The following TMTC2 variants were observed in gnomAD, a reference collection of about 807,000 sequenced individuals.
The protein encoded by TMTC2 is transmembrane O-mannosyltransferase targeting cadherins 2.
In TMTC2, 43 loss-of-function variants were observed where a neutral mutation model predicts 82.4. The ratio of observed to expected loss-of-function variants is 0.52; its 90% CI spans 0.41 to 0.67. TMTC2 has a LOEUF of 0.67. Ranked by LOEUF, TMTC2 falls within the 30% of genes least tolerant of loss-of-function variation. The probability of loss-of-function intolerance (pLI) is 0.00; values close to 1 mark genes in which losing one functional copy is unlikely to be tolerated. For missense variants in TMTC2, 919 were observed against 1,012.4 expected, an observed-to-expected ratio of 0.91 and a Z score of 1.25; for synonymous variants, 408 against 381.9, an observed-to-expected ratio of 1.07 and a Z score of -0.80.
intron 1 of TMTC2, among the ~76,000 whole-genome samples, chr12:82,831,372 G>C (rs979051528): frequency 7.9e-5 from 12 of 152,208 alleles, no homozygotes; most frequent in African/African-American, 2.9e-4. Flanking sequence ...GAAAGAATGA[G>C]AGCCCTTTTT....
chr12:82,857,993 T>C (rs1279896132), intron 2 of TMTC2, among the ~76,000 whole-genome samples: 4 of 152,248 alleles, frequency 2.6e-5, no homozygotes, highest in Non-Finnish European at 5.9e-5. Flanking sequence ...TGCCATTTGT[T>C]AATATTACTT....
intron 4 of TMTC2, among the ~76,000 whole-genome samples, chr12:82,936,256 C>T (rs1029476148): frequency 6.6e-6 from 1 of 151,924 alleles, no homozygotes; most frequent in Non-Finnish European, 1.5e-5. Flanking sequence ...CTAAGTCAGG[C>T]GTTTCACAAG....
In TMTC2 at chr12:82,716,658, G is replaced by A. The variant is rs546768560; in HGVS notation, c.83+28989G>A. Among the ~76,000 whole-genome samples the A allele has an allele frequency of 5.5e-4, 83 of 150,326 alleles. 1 individual carries two copies. The South Asian group carries it at 9.3e-3, about 17-fold the overall frequency. Reference sequence around the variant, plus strand: ...ATTACAGGCGTGAGCCACCGCGCCCGGCCTGTCTGGTACATTTTTGCTGAG... The same window carrying A: ...ATTACAGGCGTGAGCCACCGCGCCCAGCCTGTCTGGTACATTTTTGCTGAG... On this transcript the variant is annotated intron_variant, in intron 1 of 11. Coordinates refer to ENST00000321196, the MANE Select transcript of TMTC2 (RefSeq NM_152588.3).
intron 2 of TMTC2, among the ~76,000 whole-genome samples, chr12:82,894,741 T>G (rs917655561): frequency 1.3e-5 from 2 of 152,156 alleles, no homozygotes. Context: ...CCTTTGACCC[T>G]CCTCACAATT....
intron 3 of TMTC2, among the ~76,000 whole-genome samples, chr12:82,916,512 A>G (rs1228975327): frequency 6.6e-6 from 1 of 152,160 alleles, no homozygotes; most frequent in Non-Finnish European, 1.5e-5. Context: ...GAACACTATG[A>G]GTGGTACTGG....
chr12:82,735,381 C>T (rs550074011), intron 1 of TMTC2, among the ~76,000 whole-genome samples: 37 of 150,516 alleles, frequency 2.5e-4, no homozygotes, highest in South Asian at 2.1e-4. Flanking sequence ...AGTCTTACTC[C>T]GTCGCCCAGG....
intron 2 of TMTC2, among the ~76,000 whole-genome samples, chr12:82,865,185 CG>C (rs1264953094): frequency 6.6e-6 from 1 of 152,002 alleles, no homozygotes; most frequent in Non-Finnish European, 1.5e-5. Context: ...GAGATCGCGT[CG>C]CTGCACTCCA....
At chr12:82,774,977 T>C (rs1877512298) in intron 1 of TMTC2, among the ~76,000 whole-genome samples, 1 of 152,044 alleles carries the variant, frequency 6.6e-6, no homozygotes, top group African/African-American at 2.4e-5. Flanking sequence ...GAAAAATCTA[T>C]CAGGGACAAG....
In TMTC2 at chr12:83,095,231, T is replaced by G. The variant is rs80203455; in HGVS notation, c.2331+33400T>G. ...CAAAATTTCATGGTTTTTTTTTTTGTTTTTTTTTTTGTTTTTTTTGTTTTT... is the reference window on the plus strand; with the variant it reads ...CAAAATTTCATGGTTTTTTTTTTTGGTTTTTTTTTTGTTTTTTTTGTTTTT... On this transcript the variant is annotated intron_variant, in intron 11 of 11. Coordinates refer to ENST00000321196, the MANE Select transcript of TMTC2 (RefSeq NM_152588.3). Among the ~76,000 whole-genome samples the G allele has an allele frequency of 1.8e-3, 177 of 98,792 alleles. 1 individual carries two copies. In the South Asian group the frequency reaches 0.03, roughly 17 times the overall value. The allele number at this position is 98,792 out of a possible 152,430, so 64.8% of individuals were successfully genotyped here. A position where few individuals can be genotyped will look rare whatever the true frequency, so the allele number is the denominator to read the frequency against.
At chr12:82,845,252 A>AATATATAT (rs1555190263) in intron 1 of TMTC2, among the ~76,000 whole-genome samples, 474 of 38,782 alleles carry the variant, frequency 0.012, 18 homozygotes, top group African/African-American at 0.044. Flanking sequence ...AAAAAAAAAA[A>AATATATAT]ATATATATAT....
chr12:82,930,300 A>G, intron 3 of TMTC2, 131 bp from the exon 4 acceptor site: 1 of 544,234 alleles, frequency 1.8e-6, no homozygotes, highest in East Asian at 2.8e-5. Flanking sequence ...AGTATAAAGG[A>G]AATACATTTT....
intron 9 of TMTC2, among the ~76,000 whole-genome samples, chr12:83,043,393 A>G (rs1326421346): frequency 6.6e-6 from 1 of 152,180 alleles, no homozygotes; most frequent in Admixed American, 6.5e-5. Flanking sequence ...TTATGCACTC[A>G]TCTTGTTACC....
intron 1 of TMTC2, among the ~76,000 whole-genome samples, chr12:82,847,423 A>G (rs1870745236): frequency 6.6e-6 from 1 of 152,166 alleles, no homozygotes. Context: ...TTAATTTATT[A>G]ACCCAGCAAT....
intron 1 of TMTC2, among the ~76,000 whole-genome samples, chr12:82,788,949 G>T (rs1415439673): frequency 6.6e-6 from 1 of 152,058 alleles, no homozygotes; most frequent in East Asian, 1.9e-4. Flanking sequence ...AGGACCACTT[G>T]AGCACAAGAG....
At chr12:82,850,940 T>G (rs1408609568) in intron 1 of TMTC2, among the ~76,000 whole-genome samples, 2 of 151,998 alleles carry the variant, frequency 1.3e-5, no homozygotes, top group Admixed American at 6.6e-5. Context: ...GGCGTGCTCC[T>G]GTAGTCCCAG....
chr12:82,974,624 T>C (rs1224322348), intron 7 of TMTC2, among the ~76,000 whole-genome samples: 1 of 152,284 alleles, frequency 6.6e-6, no homozygotes, highest in East Asian at 1.9e-4. Context: ...AAGACTCCTA[T>C]AACAAGACAG....
At position 82,857,342 on chromosome 12, in the gene TMTC2, G is replaced by A. The variant is rs762061799; in HGVS notation, c.416G>A (p.Arg139Gln). ...HTEAVAGIVG[R>Q]ADVGASLFFL... The stretch of plus-strand genomic sequence containing the variant: ...GAGGCAGTGGCAGGAATCGTGGGAC[G>A]AGCCGATGTCGGGGCCAGTCTCTTC... Residue 139 changes from arginine to glutamine, a missense_variant, in exon 2 of 12, where the codon CGA (arginine) becomes CAA (glutamine). Arg to Gln is a conservative substitution (Grantham distance 43). Coordinates refer to ENST00000321196, the MANE Select transcript of TMTC2 (RefSeq NM_152588.3). 5 of 1,614,154 alleles carry A rather than the reference G, an allele frequency of 3.1e-6. No homozygotes were observed. The highest frequency in any genetic ancestry group is 2.2e-5 in the East Asian group (1 of 44,876).
intron 11 of TMTC2, among the ~76,000 whole-genome samples, chr12:83,111,024 G>A (rs564575220): frequency 6.6e-5 from 10 of 152,240 alleles, no homozygotes; most frequent in African/African-American, 2.4e-4. Context: ...TGCAATAAAT[G>A]GCTTCATTCT....
chr12:82,864,033 C>T (rs542585869), intron 2 of TMTC2, among the ~76,000 whole-genome samples: 5 of 152,140 alleles, frequency 3.3e-5, no homozygotes, highest in Non-Finnish European at 7.4e-5. Flanking sequence ...GGTAAAGATA[C>T]AGGCATTTGT....
Sources: gnomAD v4.1 joint callset for allele counts (sites outside exome capture counted in the v4.1 genomes callset) on GRCh38, gnomAD v4.1.1 for gene constraint, MANE v1.5 for transcripts, NCBI Gene and HGNC (gene_info 2026-07-23, HGNC 2026-07-21) for gene names.